Variants in RAB3B observed in about 807,000 individuals in gnomAD.
RAB3B encodes the protein ras-related protein Rab-3B.
A neutral mutation model predicts 20.5 loss-of-function variants in RAB3B; 11 were observed. That is an observed-to-expected ratio of 0.54 (90% CI 0.34 to 0.89). The LOEUF (loss-of-function observed/expected upper bound fraction) is 0.89, where lower values mean the gene tolerates loss of function less well. Ranked by LOEUF, RAB3B falls within the 40% of genes least tolerant of loss-of-function variation. The probability of loss-of-function intolerance (pLI) is 0.02; values close to 1 mark genes in which losing one functional copy is unlikely to be tolerated. For missense variants in RAB3B, 225 were observed against 280.9 expected (o/e 0.80, Z 1.42); for synonymous variants, 99 against 106.3 (o/e 0.93, Z 0.42).
At chr1:51,989,103 G>GCGCACACACACACACACACA (rs377673682) in intron 1 of RAB3B, among the ~76,000 whole-genome samples, 49 of 132,760 alleles carry the variant, frequency 3.7e-4, no homozygotes, top group Admixed American at 5.1e-4. Flanking sequence ...CTGTGCGCGC[G>GCGCACACACACACACACACA]CACACACACA....
chr1:51,968,782 G>C (rs1684889918), intron 2 of RAB3B, among the ~76,000 whole-genome samples: 1 of 152,180 alleles, frequency 6.6e-6, no homozygotes, highest in Non-Finnish European at 1.5e-5. Context: ...TGGACATAAG[G>C]CAGATGACTG....
At chr1:51,969,154 G>A (rs1684894967) in intron 2 of RAB3B, among the ~76,000 whole-genome samples, 1 of 152,130 alleles carries the variant, frequency 6.6e-6, no homozygotes, top group African/African-American at 2.4e-5. Flanking sequence ...ACTTAGCCAG[G>A]CATGGTGTGG....
intron 2 of RAB3B, among the ~76,000 whole-genome samples, chr1:51,974,977 AC>A (rs1684988548): frequency 6.6e-6 from 1 of 152,108 alleles, no homozygotes; most frequent in Non-Finnish European, 1.5e-5. Context: ...ACTTTGGGAA[AC>A]CAACACGGGT....
At chr1:51,957,565 C>A (rs773567315) in intron 2 of RAB3B, among the ~76,000 whole-genome samples, 16 of 152,202 alleles carry the variant, frequency 1.1e-4, no homozygotes, top group Non-Finnish European at 2.2e-4. Flanking sequence ...AAACAGGTTT[C>A]ATAATAATAT....
At chr1:51,958,937 T>C (rs1228492130) in intron 2 of RAB3B, among the ~76,000 whole-genome samples, 2 of 152,190 alleles carry the variant, frequency 1.3e-5, no homozygotes, top group Non-Finnish European at 2.9e-5. Flanking sequence ...GCTTGAGCAC[T>C]CACTTTCATT....
chr1:51,980,043 C>T (rs1048482704), intron 1 of RAB3B, among the ~76,000 whole-genome samples: 3 of 151,550 alleles, frequency 2.0e-5, no homozygotes, highest in South Asian at 4.2e-4. Flanking sequence ...CTCCACCCCC[C>T]CAAAAAAAAA....
intron 2 of RAB3B, among the ~76,000 whole-genome samples, chr1:51,970,098 C>CAAA (rs1557975139): frequency 5.0e-5 from 7 of 139,004 alleles, no homozygotes; most frequent in Admixed American, 7.0e-5. Context: ...AAACAAAAAA[C>CAAA]AAACAAACAA....
chr1:51,925,557 C>T (rs1005156813), intron 4 of RAB3B, among the ~76,000 whole-genome samples: 24 of 152,232 alleles, frequency 1.6e-4, no homozygotes, highest in African/African-American at 5.3e-4. Context: ...TCCTGGCTCA[C>T]ACTATGCTCC....
intron 2 of RAB3B, among the ~76,000 whole-genome samples, chr1:51,970,536 G>T (rs1206547415): frequency 6.6e-6 from 1 of 152,130 alleles, no homozygotes; most frequent in Middle Eastern, 3.2e-3. Flanking sequence ...AGAGATGACA[G>T]AAATTCCTAT....
At chr1:51,944,876 A>G (rs904024223) in intron 2 of RAB3B, among the ~76,000 whole-genome samples, 2 of 152,262 alleles carry the variant, frequency 1.3e-5, no homozygotes, top group African/African-American at 2.4e-5. Context: ...TGGATAAAGC[A>G]GTAGCAAGGT....
intron 2 of RAB3B, among the ~76,000 whole-genome samples, chr1:51,937,951 G>A (rs991828699): frequency 6.0e-5 from 9 of 149,974 alleles, no homozygotes; most frequent in Non-Finnish European, 1.2e-4. Flanking sequence ...AAGAAATGTT[G>A]AGTGGGTAAT....
Position 51,917,722 on chromosome 1 carries a change from A to AT in RAB3B, c.*2204_*2205insA. The AT allele has an allele frequency of 6.6e-6, 1 of 152,080 alleles. No individual in the cohort carries two copies. Among genetic ancestry groups the AT allele is most frequent in the Non-Finnish European group, 1.5e-5 (1 of 68,084 alleles). 9.4% of individuals were successfully genotyped at this position (152,080 alleles called of 1,614,324 possible). A position where few individuals can be genotyped will look rare whatever the true frequency, so the allele number is the denominator to read the frequency against. On this transcript the variant is annotated 3_prime_UTR_variant, in exon 5 of 5. Transcript: ENST00000371655. Reference sequence around the variant, plus strand: ...CAGGCATGCACCATCACATCTGGCTAATTTTTTTTTTTGTAGGGATAGAAT... The same window carrying AT: ...CAGGCATGCACCATCACATCTGGCTATATTTTTTTTTTTGTAGGGATAGAAT...
intron 2 of RAB3B, among the ~76,000 whole-genome samples, chr1:51,938,440 A>G (rs1684440732): frequency 6.6e-6 from 1 of 152,196 alleles, no homozygotes; most frequent in Non-Finnish European, 1.5e-5. Context: ...AGACAGTGAA[A>G]ACATATCATC....
chr1:51,936,775 G>C (rs935498423), intron 3 of RAB3B, among the ~76,000 whole-genome samples: 1 of 151,206 alleles, frequency 6.6e-6, no homozygotes, highest in Non-Finnish European at 1.5e-5. Flanking sequence ...CTGATGCCTC[G>C]CTTCATCACT....
intron 2 of RAB3B, among the ~76,000 whole-genome samples, chr1:51,967,798 G>A (rs935045493): frequency 1.3e-5 from 2 of 151,904 alleles, no homozygotes; most frequent in African/African-American, 4.8e-5. Context: ...TTATAGGCAT[G>A]AGCCACCACG....
chr1:51,967,935 G>A (rs1684879264), intron 2 of RAB3B, among the ~76,000 whole-genome samples: 1 of 152,030 alleles, frequency 6.6e-6, no homozygotes, highest in Non-Finnish European at 1.5e-5. Context: ...TTTGCAAATG[G>A]GATTAAATTA....
At chr1:51,941,868 G>A (rs544606919) in intron 2 of RAB3B, among the ~76,000 whole-genome samples, 25 of 152,186 alleles carry the variant, frequency 1.6e-4, no homozygotes, top group Non-Finnish European at 3.5e-4. Context: ...ATGAGTGAGT[G>A]GGAGGATAAA....
At chr1:51,922,387 C>G (rs1429956767) in intron 4 of RAB3B, among the ~76,000 whole-genome samples, 1 of 152,188 alleles carries the variant, frequency 6.6e-6, no homozygotes, top group East Asian at 1.9e-4. Context: ...CCACATTGTA[C>G]AGAGGGCAGC....
chr1:51,950,086 G>A (rs1379640718), intron 2 of RAB3B, among the ~76,000 whole-genome samples: 1 of 152,158 alleles, frequency 6.6e-6, no homozygotes, highest in South Asian at 2.1e-4. Context: ...ACAGGTGAGG[G>A]GTGGGCCATG....
Sources: gnomAD v4.1 joint callset for allele counts (sites outside exome capture counted in the v4.1 genomes callset) on GRCh38, gnomAD v4.1.1 for gene constraint, MANE v1.5 for transcripts, NCBI Gene and HGNC (gene_info 2026-07-23, HGNC 2026-07-21) for gene names.